Variants in ANKS1B observed in about 807,000 individuals in gnomAD.
The protein encoded by ANKS1B is ankyrin repeat and sterile alpha motif domain-containing protein 1B.
In ANKS1B, 36 loss-of-function variants were observed where a neutral mutation model predicts 148.3. That is an observed-to-expected ratio of 0.24 (90% CI 0.19 to 0.32). ANKS1B has a LOEUF of 0.32. ANKS1B is among the 10% of genes least tolerant of loss of function. ANKS1B has a pLI of 1.00. For synonymous variants in ANKS1B, 542 were observed against 560.8 expected (o/e 0.97, Z 0.47); for missense variants, 1,157 against 1,542.6 (o/e 0.75, Z 4.19).
rs879755580 is a variant in ANKS1B, at chr12:99,601,744, C to T, written c.1272+53323G>A. Among the ~76,000 whole-genome samples the T allele has an allele frequency of 2.4e-4, 36 of 151,936 alleles. 1 individual carries two copies. The highest frequency in any genetic ancestry group is 2.2e-4 in the Non-Finnish European group (15 of 67,996). On this transcript the variant is annotated intron_variant, in intron 9 of 26. Transcript: ENST00000683438. The stretch of plus-strand genomic sequence containing the variant: ...AACTGTCAATTTTTATACTTAGATT[C>T]GATGAAGAATGGACAGTTGTGTAGA...
chr12:99,339,850 A>C (rs1292789241), intron 12 of ANKS1B, among the ~76,000 whole-genome samples: 1 of 152,044 alleles, frequency 6.6e-6, no homozygotes. Context: ...CCTCTACCAA[A>C]CAGAAACTGA....
At chr12:99,687,014 TG>T (rs1348320129) in intron 8 of ANKS1B, among the ~76,000 whole-genome samples, 1 of 152,142 alleles carries the variant, frequency 6.6e-6, no homozygotes, top group Non-Finnish European at 1.5e-5. Context: ...AATCTTTCTA[TG>T]AGAAAGATGT....
chr12:99,835,348 G>A lies in ANKS1B; in HGVS notation c.135-9959C>T, dbSNP rs114338002. On this transcript the variant is annotated intron_variant, in intron 1 of 26. Coordinates refer to ENST00000683438, the MANE Select transcript of ANKS1B (RefSeq NM_001352186.2). ...CGGGAAGCTGAGGTGAGGATTGCTT[G>A]AGCCTAGGAGGTGGAGGTTGCAGTG... Among the ~76,000 whole-genome samples the A allele has an allele frequency of 7.8e-3, 1,190 of 151,870 alleles. 16 individuals are homozygous for A. Among genetic ancestry groups the A allele is most frequent in the African/African-American group, 0.027 (1,124 of 41,442 alleles).
intron 11 of ANKS1B, among the ~76,000 whole-genome samples, chr12:99,424,032 T>C (rs138189984): frequency 0.011 from 1,675 of 152,294 alleles, 30 homozygotes; most frequent in African/African-American, 0.034. Flanking sequence ...ACTTCTCGAC[T>C]TAGGCTTTTT....
chr12:99,227,181 G>A (rs1210756990), intron 14 of ANKS1B, among the ~76,000 whole-genome samples: 1 of 152,108 alleles, frequency 6.6e-6, no homozygotes, highest in African/African-American at 2.4e-5. Context: ...TCCCCTTGGT[G>A]CTATTCTCAT....
intron 10 of ANKS1B, among the ~76,000 whole-genome samples, chr12:99,496,856 T>C (rs1485241065): frequency 3.3e-5 from 5 of 152,156 alleles, no homozygotes; most frequent in Admixed American, 2.6e-4. Flanking sequence ...GAATACACAA[T>C]GTTGCCAGTC....
chr12:99,824,581 CG>C lies in ANKS1B; in HGVS notation c.215+727del, dbSNP rs757250354. 2.6e-5 allele frequency among the ~76,000 whole-genome samples: 4 copies of C among 150,946 alleles called. No homozygotes were observed. In the East Asian group the frequency reaches 5.8e-4, roughly 22 times the overall value. ...CATTCACACAAAGGGAAAACAGAGA[CG>C]AGGGGGAGATAAAGGAAGAGGGTCA... On this transcript the variant is annotated intron_variant, in intron 2 of 26. Transcript: ENST00000683438.
intron 11 of ANKS1B, among the ~76,000 whole-genome samples, chr12:99,401,474 C>T (rs758573758): frequency 1.4e-5 from 2 of 146,126 alleles, no homozygotes; most frequent in African/African-American, 5.2e-5. Flanking sequence ...TATATGATTC[C>T]CCCATTTCTA....
chr12:99,805,856 G>A (rs547557296), intron 4 of ANKS1B, among the ~76,000 whole-genome samples: 1 of 152,018 alleles, frequency 6.6e-6, no homozygotes, highest in South Asian at 2.1e-4. Flanking sequence ...AAGAGGCCTG[G>A]ACTTTAATCA....
At chr12:99,362,228 T>A (rs1239880352) in intron 12 of ANKS1B, among the ~76,000 whole-genome samples, 3 of 152,036 alleles carry the variant, frequency 2.0e-5, no homozygotes, top group Non-Finnish European at 4.4e-5. Flanking sequence ...AATAACTTGA[T>A]ATAATAAAAC....
chr12:99,687,501 CTCTGT>C (rs1266563340), intron 8 of ANKS1B, among the ~76,000 whole-genome samples: 3 of 152,116 alleles, frequency 2.0e-5, no homozygotes, highest in Non-Finnish European at 4.4e-5. Context: ...CTCACTGATG[CTCTGT>C]TCTATTTTTT....
At chr12:98,782,999 G>C (rs945916423) in intron 22 of ANKS1B, among the ~76,000 whole-genome samples, 1 of 151,160 alleles carries the variant, frequency 6.6e-6, no homozygotes, top group South Asian at 2.1e-4. Context: ...AAGAGGGAGG[G>C]CTGGGGCAGC....
chr12:99,670,303 A>G (rs1008478619), intron 8 of ANKS1B, among the ~76,000 whole-genome samples: 1 of 146,406 alleles, frequency 6.8e-6, no homozygotes, highest in Non-Finnish European at 1.5e-5. Flanking sequence ...TGTCTTGCCA[A>G]TTTCCTAATT....
intron 12 of ANKS1B, among the ~76,000 whole-genome samples, chr12:99,295,780 C>T (rs2154014345): frequency 6.6e-6 from 1 of 152,230 alleles, no homozygotes; most frequent in Non-Finnish European, 1.5e-5. Context: ...CTCCAAAAGG[C>T]CCCAGTGTGT....
chr12:99,592,598 T>G (rs931001542), intron 9 of ANKS1B, among the ~76,000 whole-genome samples: 1 of 151,786 alleles, frequency 6.6e-6, no homozygotes, highest in Non-Finnish European at 1.5e-5. Flanking sequence ...GGAGAAGGAC[T>G]GAAGAGAAGA....
intron 10 of ANKS1B, among the ~76,000 whole-genome samples, chr12:99,501,902 C>T (rs747398711): frequency 2.0e-5 from 3 of 152,168 alleles, no homozygotes; most frequent in Non-Finnish European, 4.4e-5. Context: ...CTGTAATTTT[C>T]ATATCAGCTT....
intron 17 of ANKS1B, among the ~76,000 whole-genome samples, chr12:99,030,846 A>G (rs543978230): frequency 1.3e-5 from 2 of 152,314 alleles, no homozygotes; most frequent in East Asian, 1.9e-4. Context: ...TTAAAATTAT[A>G]CATATGCAAA....
At chr12:99,494,732 CAAAAA>C (rs59115173) in intron 10 of ANKS1B, among the ~76,000 whole-genome samples, 43 of 55,980 alleles carry the variant, frequency 7.7e-4, no homozygotes, top group African/African-American at 3.4e-3. Flanking sequence ...CACTCTGTCT[CAAAAA>C]AAAAAAAAAA....
chr12:99,506,004 G>T (rs1384295774), intron 9 of ANKS1B, among the ~76,000 whole-genome samples: 2 of 152,004 alleles, frequency 1.3e-5, no homozygotes, highest in African/African-American at 4.8e-5. Context: ...TGGTTTTGTG[G>T]CTGACTGGGA....
Sources: gnomAD v4.1 joint callset for allele counts (sites outside exome capture counted in the v4.1 genomes callset) on GRCh38, gnomAD v4.1.1 for gene constraint, MANE v1.5 for transcripts, NCBI Gene and HGNC (gene_info 2026-07-23, HGNC 2026-07-21) for gene names.